Variants in MIER2 observed in about 807,000 individuals in gnomAD.
MIER2 encodes mesoderm induction early response protein 2.
A neutral mutation model predicts 67.6 loss-of-function variants in MIER2; 30 were observed. The observed-to-expected ratio is 0.44, with a 90% CI of 0.33 to 0.60. The LOEUF (loss-of-function observed/expected upper bound fraction) is 0.60, where lower values mean the gene tolerates loss of function less well. Ranked by LOEUF, MIER2 falls within the 20% of genes least tolerant of loss-of-function variation. The pLI, the probability that MIER2 is intolerant of heterozygous loss-of-function variation, is 0.02. For synonymous variants in MIER2, 372 were observed against 312.6 expected (o/e 1.19, Z -2.00); for missense variants, 702 against 745.1 (o/e 0.94, Z 0.67).
At position 327,896 on chromosome 19, in the gene MIER2, C is replaced by T. The variant is rs147685720; in HGVS notation, c.337G>A (p.Ala113Thr). 5.7e-5 allele frequency: 92 copies of T among 1,612,336 alleles called. No homozygotes were observed. Among genetic ancestry groups the T allele is most frequent in the Non-Finnish European group, 7.7e-5 (91 of 1,179,216 alleles). The change falls in exon 4 of 14, where the codon GCC (alanine) becomes ACC (threonine). Residue 113 changes from alanine (A) to threonine (T), a missense_variant. Physicochemically the swap from Ala to Thr is moderately conservative, Grantham distance 58. This residue lies in a region of MIER2 where 320 missense variants were observed against 292.6 expected (regional missense o/e 1.09). Transcript: ENST00000264819. Reference sequence around the variant, plus strand: ...AGGGTCATGTCTGGGAGGTTCGGGGCCACGTCACCACCCTCACTCTCCCGG... The same window carrying T: ...AGGGTCATGTCTGGGAGGTTCGGGGTCACGTCACCACCCTCACTCTCCCGG... ...SDRESEGGDV[A>T]PNLPDMTLDK...
Position 308,640 on chromosome 19 carries a change from T to G in MIER2, c.1135A>C (p.Ser379Arg). The change falls in exon 12 of 14, where the codon AGC becomes CGC. Residue 379 changes from serine (S) to arginine (R), a missense_variant. Coordinates refer to ENST00000264819, the MANE Select transcript of MIER2 (RefSeq NM_017550.3). This position sits in a 1 kb window ranked among gnomAD's most constrained non-coding sequence, Gnocchi z 9.1. ...GGACGGCCGGGGCCATCGGGGTCGC[T>G]GCCATCCAGGTCCTGGTCTGCGTCC... ...TTDADQDLDG[S>R]DPDGPGRPRP... 1 of 1,605,686 alleles carries G rather than the reference T, an allele frequency of 6.2e-7. No homozygotes were observed. The highest frequency in any genetic ancestry group is 8.5e-7 in the Non-Finnish European group (1 of 1,177,334).
intron 7 of MIER2, among the ~76,000 whole-genome samples, chr19:319,913 C>T (rs1692599622): frequency 6.6e-6 from 1 of 152,150 alleles, no homozygotes. Context: ...ATGCAAAAAT[C>T]ATAAATGTGA....
chr19:338,788 A>G (rs1972376338), intron 1 of MIER2, among the ~76,000 whole-genome samples: 1 of 152,230 alleles, frequency 6.6e-6, no homozygotes, highest in African/African-American at 2.4e-5. Flanking sequence ...AAAGGTATCA[A>G]AACAGTTCCA....
intron 10 of MIER2, among the ~76,000 whole-genome samples, chr19:310,373 G>A (rs529142983): frequency 3.3e-4 from 50 of 152,340 alleles, no homozygotes; most frequent in Admixed American, 1.2e-3. Context: ...CGCACGCCAC[G>A]AGGGAGCTCT....
At chr19:329,940 T>C (rs1368777003) in intron 3 of MIER2, among the ~76,000 whole-genome samples, 1 of 151,920 alleles carries the variant, frequency 6.6e-6, no homozygotes, top group Non-Finnish European at 1.5e-5. Context: ...GAGCAGATGT[T>C]TCCATGTGCT....
At chr19:306,814 T>C in intron 13 of MIER2, 103 bp from the exon 14 acceptor site, 1 of 1,525,168 alleles carries the variant, frequency 6.6e-7, no homozygotes, top group Non-Finnish European at 8.9e-7. Flanking sequence ...CAGCCTTGCC[T>C]CCCCCACAGC....
chr19:322,858 G>A (rs577700061), intron 7 of MIER2, among the ~76,000 whole-genome samples: 9 of 152,234 alleles, frequency 5.9e-5, no homozygotes, highest in Non-Finnish European at 1.0e-4. Context: ...AACCATGACC[G>A]CAGCCCATGG....
chr19:315,889 C>T (rs1971216753), intron 7 of MIER2, among the ~76,000 whole-genome samples: 1 of 152,226 alleles, frequency 6.6e-6, no homozygotes, highest in Admixed American at 6.5e-5. Context: ...TGCACAGGCA[C>T]AGGAGAGCCA....
chr19:309,222 A>ACC, intron 10 of MIER2, among the ~76,000 whole-genome samples: 1 of 151,378 alleles, frequency 6.6e-6, no homozygotes, highest in South Asian at 2.1e-4. Flanking sequence ...AGACAAACGT[A>ACC]CCCTCCAGGC....
rs535229648 is a variant in MIER2, at chr19:318,612, C to G, written c.656-4969G>C. On this transcript the variant is annotated intron_variant, in intron 7 of 13. Transcript: ENST00000264819. ...GATCCAAGGGAATACACGGAAAATT[C>G]CACCCAACAACAGCACAGCACACTC... is the stretch of plus-strand genomic sequence containing the variant. 2.0e-5 allele frequency among the ~76,000 whole-genome samples: 3 copies of G among 152,238 alleles called. No individual in the cohort carries two copies. The South Asian group carries it at 6.2e-4, about 32-fold the overall frequency.
intron 7 of MIER2, among the ~76,000 whole-genome samples, chr19:317,514 G>A (rs1176668645): frequency 4.3e-5 from 6 of 138,442 alleles, no homozygotes; most frequent in Admixed American, 1.5e-4. Context: ...GTGACAAAGC[G>A]AGACTCTGTC....
chr19:317,435 G>A (rs1446219888), intron 7 of MIER2, among the ~76,000 whole-genome samples: 11 of 98,094 alleles, frequency 1.1e-4, no homozygotes, highest in Admixed American at 8.2e-4. Context: ...GCTGAAGCAG[G>A]AGAATGGCGT....
rs1971588046 is a variant in MIER2, at chr19:323,436, CACACACA to C, written c.655+2192_655+2198del. 3.3e-5 allele frequency among the ~76,000 whole-genome samples: 5 copies of C among 151,906 alleles called. No homozygotes were observed. In the South Asian group the frequency reaches 1.0e-3, roughly 32 times the overall value. On this transcript the variant is annotated intron_variant, in intron 7 of 13. Transcript: ENST00000264819. ...ATCACAATGCAATACACAGGACACA[CACACACA>C]ACCATGCAGACGACTCGAATGACAC...
chr19:309,403 G>A (rs990019894), intron 10 of MIER2, among the ~76,000 whole-genome samples: 5 of 152,064 alleles, frequency 3.3e-5, no homozygotes, highest in Non-Finnish European at 5.9e-5. Context: ...ACAAGCCCGC[G>A]GCGCCTGCTT....
chr19:330,113 T>C (rs1396676018), intron 3 of MIER2, among the ~76,000 whole-genome samples: 2 of 152,120 alleles, frequency 1.3e-5, no homozygotes, highest in African/African-American at 4.8e-5. Context: ...GAAAGGCACC[T>C]GGCAGGCGCT....
chr19:332,081 G>A (rs1331720845), intron 3 of MIER2, among the ~76,000 whole-genome samples: 2 of 151,984 alleles, frequency 1.3e-5, no homozygotes, highest in Non-Finnish European at 2.9e-5. Context: ...TTTCTTTTGG[G>A]ACAGTTCTTT....
At chr19:310,599 A>AGCTGCAGAAACAG (rs1568216567) in intron 10 of MIER2, among the ~76,000 whole-genome samples, 9 of 54,540 alleles carry the variant, frequency 1.7e-4, no homozygotes, top group African/African-American at 1.2e-3. Flanking sequence ...GCAGAAACAC[A>AGCTGCAGAAACAG]GCCGGGAGCT....
chr19:341,422 G>GA (rs1972495595), intron 1 of MIER2, among the ~76,000 whole-genome samples: 1 of 152,170 alleles, frequency 6.6e-6, no homozygotes, highest in African/African-American at 2.4e-5. Flanking sequence ...CTAAGGCAGA[G>GA]GGGGGCAAAG....
In MIER2 at chr19:323,790, A is replaced by G. The variant is rs572806586; in HGVS notation, c.655+1845T>C. Among the ~76,000 whole-genome samples the G allele has an allele frequency of 4.6e-5, 7 of 152,006 alleles. 1 individual carries two copies. The South Asian group carries it at 1.5e-3, about 32-fold the overall frequency. Reference sequence around the variant, plus strand: ...ACACACACAACCACAGACAACTCGAATGACACAGACGTCATCACAATGCAA... The same window carrying G: ...ACACACACAACCACAGACAACTCGAGTGACACAGACGTCATCACAATGCAA... On this transcript the variant is annotated intron_variant, in intron 7 of 13. Coordinates refer to ENST00000264819, the MANE Select transcript of MIER2 (RefSeq NM_017550.3).
Sources: gnomAD v4.1 joint callset for allele counts (sites outside exome capture counted in the v4.1 genomes callset) on GRCh38, gnomAD v4.1.1 for gene constraint, gnomAD v4.1.1 regional missense constraint, Gnocchi (gnomAD v3.1) non-coding constraint, MANE v1.5 for transcripts, NCBI Gene and HGNC (gene_info 2026-07-23, HGNC 2026-07-21) for gene names.